Variants in EIF2D observed in about 807,000 individuals in gnomAD.
The protein encoded by EIF2D is hepatocellular carcinoma-associated antigen 56.
EIF2D carries 56 observed loss-of-function variants against 77.4 expected under a neutral mutation model. The ratio of observed to expected loss-of-function variants is 0.72; its 90% confidence interval spans 0.58 to 0.90. The LOEUF (loss-of-function observed/expected upper bound fraction) is 0.90, where lower values mean the gene tolerates loss of function less well. Among genes scored for constraint, EIF2D ranks in the 40% least tolerant of loss-of-function variants. EIF2D has a pLI of 0.00. For synonymous variants in EIF2D, 230 were observed against 271.0 expected, an observed-to-expected ratio of 0.85 and a Z score of 1.49; for missense variants, 574 against 706.5, an observed-to-expected ratio of 0.81 and a Z score of 2.13.
chr1:206,583,080 G>A (rs376376065), intron 2 of EIF2D: 58 of 535,826 alleles, frequency 1.1e-4, no homozygotes, highest in African/African-American at 7.6e-4. Flanking sequence ...CTCCAGGAGG[G>A]CTGGCTAGAC....
chr1:206,578,723 TG>T (rs1668753320), intron 4 of EIF2D, among the ~76,000 whole-genome samples: 2 of 152,300 alleles, frequency 1.3e-5, no homozygotes, highest in South Asian at 4.1e-4. Flanking sequence ...ACCCTCATCC[TG>T]GGGACCCCCT....
At chr1:206,571,666 G>T (rs1272176784) in intron 5 of EIF2D, among the ~76,000 whole-genome samples, 1 of 152,180 alleles carries the variant, frequency 6.6e-6, no homozygotes, top group Non-Finnish European at 1.5e-5. Context: ...GATAAGAGTG[G>T]GTATCCCAAA....
intron 4 of EIF2D, among the ~76,000 whole-genome samples, chr1:206,576,870 C>T (rs1045300233): frequency 2.6e-5 from 4 of 152,136 alleles, no homozygotes; most frequent in African/African-American, 7.2e-5. Context: ...GGCACAATCA[C>T]GGCTCACTGC....
At chr1:206,590,064 T>C (rs190185561), downstream of EIF2D, among the ~76,000 whole-genome samples, 2 of 152,366 alleles carry the variant, frequency 1.3e-5, no homozygotes, top group Admixed American at 6.5e-5. Flanking sequence ...AGTTGTACGT[T>C]TGACATTGAT....
intron 4 of EIF2D, among the ~76,000 whole-genome samples, chr1:206,606,417 C>T (rs1670204752): frequency 6.6e-6 from 1 of 152,168 alleles, no homozygotes; most frequent in Non-Finnish European, 1.5e-5. Context: ...TTGAACATGA[C>T]TTGTATTTTT....
At position 206,612,421 on chromosome 1, in the gene EIF2D, C is replaced by T; in HGVS notation, c.-79G>A. The stretch of plus-strand genomic sequence containing the variant: ...AGCGAGGGCGCAGCAGCTGCCAGGC[C>T]CTCAGCCGTGGGGGCAGCCATGCTG... On this transcript the variant is annotated 5_prime_UTR_variant, in exon 1 of 15. Coordinates refer to ENST00000271764, the MANE Select transcript of EIF2D (RefSeq NM_006893.3). 6.3e-7 allele frequency: 1 copy of T among 1,588,184 alleles called. No homozygotes were observed. Among genetic ancestry groups the T allele is most frequent in the Non-Finnish European group, 8.6e-7 (1 of 1,157,296 alleles).
chr1:206,607,620 T>C (rs782238249), intron 4 of EIF2D, among the ~76,000 whole-genome samples: 1 of 151,388 alleles, frequency 6.6e-6, no homozygotes, highest in African/African-American at 2.4e-5. Context: ...AATAAAGCTA[T>C]CAAAAATAAT....
chr1:206,583,073 C>T (rs926781874), intron 2 of EIF2D: 8 of 526,978 alleles, frequency 1.5e-5, no homozygotes, highest in Admixed American at 6.4e-5. Context: ...GTTACTTCTC[C>T]AGGAGGGCTG....
At chr1:206,612,146 T>C in intron 1 of EIF2D, 141 bp downstream of exon 1, 1 of 1,084,548 alleles carries the variant, frequency 9.2e-7, no homozygotes, top group Non-Finnish European at 1.4e-6. Flanking sequence ...AACCCACCCT[T>C]GCCTCCTGGG....
In EIF2D at chr1:206,592,496, C is replaced by T. The variant is rs1299192487; in HGVS notation, c.1685-651G>A. ...ATCTTAGGCAAGGGGATAGCCCAGG[C>T]GGAAGCACATGTGGGTGAACATGCA... On this transcript the variant is annotated intron_variant, in intron 14 of 14. Transcript: ENST00000271764. This position sits in a 1 kb window ranked among gnomAD's most constrained non-coding sequence, Gnocchi z 4.7. Among the ~76,000 whole-genome samples, 3 of 152,126 alleles carry T rather than the reference C, an allele frequency of 2.0e-5. No homozygotes were observed. Among genetic ancestry groups the T allele is most frequent in the East Asian group, 3.9e-4 (2 of 5,176 alleles).
Position 206,584,284 on chromosome 1 carries a change from TC to T in EIF2D, c.139-3123del, listed in dbSNP as rs1319607299. The T allele has an allele frequency of 1.7e-6, 2 of 1,157,310 alleles. No homozygotes were observed. Among genetic ancestry groups the T allele is most frequent in the African/African-American group, 3.1e-5 (2 of 64,484 alleles). 71.7% of individuals were successfully genotyped at this position (1,157,310 alleles called of 1,614,324 possible). A position where few individuals can be genotyped will look rare whatever the true frequency, so the allele number is the denominator to read the frequency against. ...CACGTCAGCAGAGGCAGGAAAGAAC[TC>T]AAGGAGACAGGTGGGTGCTGCTGGG... On this transcript the variant is annotated intron_variant and NMD_transcript_variant, in intron 2 of 5. Coordinates refer to the EIF2D transcript ENST00000472709. This position sits in a 1 kb window ranked among gnomAD's most constrained non-coding sequence, Gnocchi z 4.9.
rs1553414254 is a variant in EIF2D, at chr1:206,612,354, T to G, written c.-12A>C. On this transcript the variant is annotated 5_prime_UTR_variant, in exon 1 of 15. Coordinates refer to ENST00000271764, the MANE Select transcript of EIF2D (RefSeq NM_006893.3). ...GCCTTGGCAAACATGTCTGCTGGGGTGGCCTGGGGAAGAGAGCACAGAAGC... is the reference window on the plus strand; with the variant it reads ...GCCTTGGCAAACATGTCTGCTGGGGGGGCCTGGGGAAGAGAGCACAGAAGC... The G allele has an allele frequency of 6.2e-7, 1 of 1,614,064 alleles. No homozygotes were observed. Among genetic ancestry groups the G allele is most frequent in the African/African-American group, 1.3e-5 (1 of 75,000 alleles).
intron 7 of EIF2D, 155 bp downstream of exon 7, chr1:206,602,181 A>G: frequency 3.5e-6 from 2 of 573,438 alleles, no homozygotes; most frequent in Non-Finnish European, 6.2e-6. Flanking sequence ...TTTAGAACCC[A>G]GGAACTAATG....
chr1:206,583,090 C>T (rs781879968), intron 2 of EIF2D: 1 of 553,030 alleles, frequency 1.8e-6, no homozygotes. Context: ...GCTGGCTAGA[C>T]ACTGGCACAG....
Position 206,584,587 on chromosome 1 carries a change from C to T in EIF2D, c.139-3425G>A, listed in dbSNP as rs781836953. The T allele has an allele frequency of 1.4e-5, 22 of 1,614,102 alleles. No individual in the cohort carries two copies. The Admixed American group carries it at 3.2e-4, about 23-fold the overall frequency. On this transcript the variant is annotated intron_variant and NMD_transcript_variant, in intron 2 of 5. Transcript: ENST00000472709. The surrounding 1 kb of genome is among the most constrained non-coding windows in gnomAD (Gnocchi z 4.9). Reference sequence around the variant, plus strand: ...AGCTGCACATCAGCAGCACCACCACCGTCAGTGAGGTCATCCAGGGGCTGC... The same window carrying T: ...AGCTGCACATCAGCAGCACCACCACTGTCAGTGAGGTCATCCAGGGGCTGC...
At position 206,603,010 on chromosome 1, in the gene EIF2D, G is replaced by T; in HGVS notation, c.725C>A (p.Pro242Gln). The change falls in exon 6 of 15, where the codon CCA (proline) becomes CAA (glutamine). Residue 242 changes from proline (P) to glutamine (Q), a missense_variant. Pro to Gln is a moderately conservative substitution (Grantham distance 76). Coordinates refer to ENST00000271764, the MANE Select transcript of EIF2D (RefSeq NM_006893.3). The part of the protein sequence containing the change: ...AREDKSLSEA[P>Q]EDTSTRGLNQ... ...CAGGCCCCTGGTGCTGGTGTCTTCT[G>T]GGGCTTCTGAGAGAGACTTGTCTTC... is the stretch of plus-strand genomic sequence containing the variant. 1 of 1,614,092 alleles carries T rather than the reference G, an allele frequency of 6.2e-7. No homozygotes were observed. Among genetic ancestry groups the T allele is most frequent in the Non-Finnish European group, 8.5e-7 (1 of 1,180,016 alleles).
chr1:206,593,532 T>A (rs991840826), intron 14 of EIF2D, 87 bp downstream of exon 14: 1 of 958,946 alleles, frequency 1.0e-6, no homozygotes, highest in Non-Finnish European at 1.6e-6. Context: ...TGTGTGTGTG[T>A]GTGTGTGTGT....
At chr1:206,573,182 T>C (rs1429531122) in intron 4 of EIF2D, among the ~76,000 whole-genome samples, 2 of 152,214 alleles carry the variant, frequency 1.3e-5, no homozygotes, top group African/African-American at 4.8e-5. Flanking sequence ...GAAATCAGTC[T>C]CCGTGTGGTG....
intron 4 of EIF2D, 35 bp downstream of exon 4, chr1:206,608,201 T>A: frequency 6.3e-7 from 1 of 1,590,088 alleles, no homozygotes; most frequent in Non-Finnish European, 8.6e-7. Flanking sequence ...TTACACAAGT[T>A]TTTCCCCCAA....
Sources: allele counts gnomAD v4.1 joint callset (sites outside exome capture counted in the v4.1 genomes callset), GRCh38; gene constraint gnomAD v4.1.1; non-coding constraint Gnocchi (gnomAD v3.1); transcripts MANE v1.5; gene names NCBI Gene and HGNC (gene_info 2026-07-23, HGNC 2026-07-21).